Variants in ZNF474 observed in about 807,000 individuals in gnomAD.
ZNF474 encodes the protein 4933409D10Rik.
For missense variants in ZNF474, 511 were observed against 433.8 expected (o/e 1.18, Z -1.58); for synonymous variants, 192 against 162.2 (o/e 1.18, Z -1.39).
At chr5:122,143,694 C>G (rs963544974) in intron 1 of ZNF474, among the ~76,000 whole-genome samples, 1 of 152,144 alleles carries the variant, frequency 6.6e-6, no homozygotes. Flanking sequence ...GCATAATTCT[C>G]TTATAAAGTA....
intron 1 of ZNF474, among the ~76,000 whole-genome samples, chr5:122,145,760 T>G (rs1230441004): frequency 6.6e-6 from 1 of 152,246 alleles, no homozygotes; most frequent in African/African-American, 2.4e-5. Context: ...TTTTGTAAGA[T>G]TCTATGAAAG....
intron 1 of ZNF474, among the ~76,000 whole-genome samples, chr5:122,134,895 C>A (rs1755663483): frequency 6.6e-6 from 1 of 152,144 alleles, no homozygotes; most frequent in African/African-American, 2.4e-5. Context: ...TATAAAACTT[C>A]TAGAAGAAAA....
intron 1 of ZNF474, among the ~76,000 whole-genome samples, chr5:122,139,176 A>G (rs1428467873): frequency 6.6e-6 from 1 of 152,196 alleles, no homozygotes; most frequent in Non-Finnish European, 1.5e-5. Flanking sequence ...TTTCCCCTTC[A>G]GTTAACCTGT....
chr5:122,149,187 C>T (rs184938354), intron 1 of ZNF474, among the ~76,000 whole-genome samples: 1 of 152,132 alleles, frequency 6.6e-6, no homozygotes, highest in Non-Finnish European at 1.5e-5. Flanking sequence ...CTATTAGGTA[C>T]TATGCTTACT....
At chr5:122,139,984 T>C (rs1306029279) in intron 1 of ZNF474, among the ~76,000 whole-genome samples, 1 of 152,194 alleles carries the variant, frequency 6.6e-6, no homozygotes, top group Non-Finnish European at 1.5e-5. Context: ...CTGATGCCTA[T>C]TATTGGTGTC....
chr5:122,140,484 TA>T (rs1303942540), intron 1 of ZNF474, among the ~76,000 whole-genome samples: 5 of 152,152 alleles, frequency 3.3e-5, no homozygotes, highest in Admixed American at 6.6e-5. Context: ...AAAATTACAA[TA>T]AAAAATACAA....
intron 1 of ZNF474, among the ~76,000 whole-genome samples, chr5:122,149,914 C>T (rs111268452): frequency 0.096 from 12,602 of 130,864 alleles, 1,715 homozygotes; most frequent in African/African-American, 0.32. Context: ...TGTGTGTGTG[C>T]GCGCGTGAGA....
intron 1 of ZNF474, among the ~76,000 whole-genome samples, chr5:122,147,589 T>A (rs1183454120): frequency 6.6e-6 from 1 of 151,406 alleles, no homozygotes; most frequent in East Asian, 2.0e-4. Flanking sequence ...GTGTTCTCAT[T>A]GTTCAGTTCC....
chr5:122,130,441 T>G (rs1195450039), intron 1 of ZNF474, among the ~76,000 whole-genome samples: 1 of 152,218 alleles, frequency 6.6e-6, no homozygotes, highest in African/African-American at 2.4e-5. Context: ...ACCATATATA[T>G]TATATTGTCA....
At chr5:122,135,259 C>T (rs992017623) in intron 1 of ZNF474, among the ~76,000 whole-genome samples, 3 of 152,038 alleles carry the variant, frequency 2.0e-5, no homozygotes, top group Non-Finnish European at 4.4e-5. Context: ...CACTTGAGGC[C>T]GTAAGTTAGA....
Position 122,129,555 on chromosome 5 carries a change from A to C in ZNF474, c.-341A>C, listed in dbSNP as rs1231979575. The C allele has an allele frequency of 6.6e-6, 1 of 152,146 alleles. No individual in the cohort carries two copies. Among genetic ancestry groups the C allele is most frequent in the Non-Finnish European group, 1.5e-5 (1 of 68,036 alleles). 9.4% of individuals were successfully genotyped at this position (152,146 alleles called of 1,614,324 possible). A position where few individuals can be genotyped will look rare whatever the true frequency, so the allele number is the denominator to read the frequency against. ...GTTCCTGTTACTCAGCAGCCTCAAA[A>C]ACTCACACCAGCTCCTGCAAGGAAT... On this transcript the variant is annotated 5_prime_UTR_variant, in exon 1 of 2. Coordinates refer to ENST00000296600, the MANE Select transcript of ZNF474 (RefSeq NM_207317.3).
chr5:122,144,038 C>G (rs1427939), intron 1 of ZNF474, among the ~76,000 whole-genome samples: 2 of 151,902 alleles, frequency 1.3e-5, no homozygotes, highest in Non-Finnish European at 2.9e-5. Flanking sequence ...ATTTTTTTCT[C>G]TAAAGTTATG....
intron 1 of ZNF474, among the ~76,000 whole-genome samples, chr5:122,134,988 A>G (rs1045501931): frequency 2.0e-5 from 3 of 152,236 alleles, no homozygotes; most frequent in Non-Finnish European, 4.4e-5. Flanking sequence ...CAAAACAAAA[A>G]TGGACAAATG....
At chr5:122,131,716 A>G (rs1449108505) in intron 1 of ZNF474, among the ~76,000 whole-genome samples, 1 of 152,106 alleles carries the variant, frequency 6.6e-6, no homozygotes, top group Non-Finnish European at 1.5e-5. Context: ...ATGGAATAAT[A>G]TGTCACAGTG....
rs1755628957 is a variant in ZNF474 at position 122,133,514 on chromosome 5, A to T, written c.-213+3831A>T. Among the ~76,000 whole-genome samples, 3 of 152,224 alleles carry T rather than the reference A, an allele frequency of 2.0e-5. No individual in the cohort carries two copies. In the South Asian group the frequency reaches 6.2e-4, roughly 32 times the overall value. ...AATACCTATTTCTTTTGAGCCTAAA[A>T]TGTAAACTATTATTTCTATTAGTTG... On this transcript the variant is annotated intron_variant, in intron 1 of 1. Transcript: ENST00000296600.
At position 122,145,524 on chromosome 5, in the gene ZNF474, G is replaced by T. The variant is rs1279698450; in HGVS notation, c.-212-6255G>T. On this transcript the variant is annotated intron_variant, in intron 1 of 1. Coordinates refer to ENST00000296600, the MANE Select transcript of ZNF474 (RefSeq NM_207317.3). ...CTTTGCTATGGCTTCCTCTGTGGCA[G>T]TGGTGGCCTTGTGGCTTGGGGGTCA... Among the ~76,000 whole-genome samples the T allele has an allele frequency of 3.9e-5, 6 of 152,298 alleles. No homozygotes were observed. In the East Asian group the frequency reaches 1.2e-3, roughly 29 times the overall value.
At chr5:122,141,300 A>ATTTTT (rs368273210) in intron 1 of ZNF474, among the ~76,000 whole-genome samples, 45 of 64,358 alleles carry the variant, frequency 7.0e-4, no homozygotes, top group Admixed American at 1.9e-3. Context: ...ACCCCTGGCT[A>ATTTTT]TTTTTTTTTT....
chr5:122,152,689 C>T lies in ZNF474; in HGVS notation c.699C>T (p.Thr233=), dbSNP rs761428686. The change falls in exon 2 of 2, where the codon ACC becomes ACT. Residue 233 remains threonine (T), a synonymous_variant. Transcript: ENST00000296600. ...ICYICGKEFG[T]LSLPIHEPKC... is the part of the protein sequence containing the mutation. ...ACATATGTGGTAAGGAATTTGGCAC[C>T]CTGTCCCTTCCTATTCATGAGCCCA... 6.2e-7 allele frequency: 1 copy of T among 1,614,032 alleles called. No homozygotes were observed. The highest frequency in any genetic ancestry group is 8.5e-7 in the Non-Finnish European group (1 of 1,180,044).
At chr5:122,150,459 A>C (rs1440068895) in intron 1 of ZNF474, among the ~76,000 whole-genome samples, 1 of 152,174 alleles carries the variant, frequency 6.6e-6, no homozygotes, top group African/African-American at 2.4e-5. Context: ...TCTTTATCAA[A>C]TCCAGTGCCC....
Sources: gnomAD v4.1 joint callset for allele counts (sites outside exome capture counted in the v4.1 genomes callset) on GRCh38, gnomAD v4.1.1 for gene constraint, MANE v1.5 for transcripts, NCBI Gene and HGNC (gene_info 2026-07-23, HGNC 2026-07-21) for gene names.